The following FOXN3 variants were observed in gnomAD, a reference collection of about 807,000 sequenced individuals.
The protein encoded by FOXN3 is forkhead box N3, also known as forkhead box protein N3.
FOXN3 carries 7 observed loss-of-function variants against 38.4 expected under a neutral mutation model. That is an observed-to-expected ratio of 0.18 (90% CI 0.10 to 0.34). The LOEUF (loss-of-function observed/expected upper bound fraction) is 0.34. Among genes scored for constraint, FOXN3 ranks in the 10% least tolerant of loss-of-function variants. The probability of loss-of-function intolerance (pLI) is 1.00; values close to 1 mark genes in which losing one functional copy is unlikely to be tolerated. For missense variants in FOXN3, 456 were observed against 613.4 expected (o/e 0.74, Z 2.71); for synonymous variants, 230 against 242.2 (o/e 0.95, Z 0.47).
chr14:89,409,357 G>GC (rs1489918676), intron 2 of FOXN3: 1 of 145,550 alleles, frequency 6.9e-6, no homozygotes, highest in Admixed American at 6.7e-5. Context: ...GGGGACGGGG[G>GC]GGTCGCATGG....
chr14:89,360,712 GCACTACCTCCAC>G (rs1213444001), intron 2 of FOXN3, among the ~76,000 whole-genome samples: 12 of 120,732 alleles, frequency 9.9e-5, no homozygotes, highest in South Asian at 3.3e-4. Context: ...ACCACCTCCA[GCACTACCTCCAC>G]CACCACCACC....
At chr14:89,377,772 C>G (rs1279768040) in intron 2 of FOXN3, among the ~76,000 whole-genome samples, 1 of 152,236 alleles carries the variant, frequency 6.6e-6, no homozygotes, top group African/African-American at 2.4e-5. Context: ...AACCAATTCA[C>G]GTGTTGAAGC....
rs143321692 is a variant in FOXN3, at chr14:89,607,402, T to C, written c.-15+11626A>G. The stretch of plus-strand genomic sequence containing the variant: ...GGTGAAACCCTGTCTCTACTAAAAA[T>C]ACAAAAATGAGCCGGGCATGGTGGT... On this transcript the variant is annotated intron_variant, in intron 1 of 6. Transcript: ENST00000345097. Among the ~76,000 whole-genome samples the C allele has an allele frequency of 1.5e-3, 227 of 151,802 alleles. 1 individual carries two copies. Among genetic ancestry groups the C allele is most frequent in the African/African-American group, 4.6e-3 (190 of 41,350 alleles).
chr14:89,183,106 ATG>A (rs1887715034), intron 4 of FOXN3, among the ~76,000 whole-genome samples: 1 of 152,228 alleles, frequency 6.6e-6, no homozygotes, highest in Non-Finnish European at 1.5e-5. Flanking sequence ...GATGAAATCT[ATG>A]TGTGTTGTCT....
intron 1 of FOXN3, among the ~76,000 whole-genome samples, chr14:89,425,437 G>A (rs545704121): frequency 4.6e-5 from 7 of 151,682 alleles, no homozygotes; most frequent in East Asian, 2.0e-4. Flanking sequence ...GCTCAATCTC[G>A]GCTCACCGCG....
intron 2 of FOXN3, among the ~76,000 whole-genome samples, chr14:89,404,751 G>T (rs576032729): frequency 6.6e-6 from 1 of 152,116 alleles, no homozygotes; most frequent in East Asian, 1.9e-4. Flanking sequence ...CCGTCTTCAG[G>T]GAGAGCCATT....
At chr14:89,287,545 C>G (rs1327076063) in intron 3 of FOXN3, among the ~76,000 whole-genome samples, 1 of 152,094 alleles carries the variant, frequency 6.6e-6, no homozygotes, top group Non-Finnish European at 1.5e-5. Flanking sequence ...AGGTGGGCAC[C>G]AGCACTTCCT....
Position 89,579,268 on chromosome 14 carries a change from A to G in FOXN3, c.-15+39760T>C, listed in dbSNP as rs916679882. On this transcript the variant is annotated intron_variant, in intron 1 of 6. Coordinates refer to the FOXN3 transcript ENST00000345097. ...TGGGCTCAAGGGATCCTCCCACCTC[A>G]GCCTCCTGAGTAGCTCGGACCACAA... is the stretch of plus-strand genomic sequence containing the variant. Among the ~76,000 whole-genome samples, 59 of 151,012 alleles carry G rather than the reference A, an allele frequency of 3.9e-4. 1 individual carries two copies. Among genetic ancestry groups the G allele is most frequent in the Non-Finnish European group, 1.3e-4 (9 of 67,886 alleles).
At chr14:89,289,994 C>G (rs143261083) in intron 3 of FOXN3, among the ~76,000 whole-genome samples, 26 of 152,106 alleles carry the variant, frequency 1.7e-4, no homozygotes, top group Non-Finnish European at 3.2e-4. Context: ...CAAGTCACCA[C>G]GTGGAACTAA....
intron 1 of FOXN3, among the ~76,000 whole-genome samples, chr14:89,476,909 G>A (rs1459388751): frequency 1.3e-5 from 2 of 152,130 alleles, no homozygotes; most frequent in Non-Finnish European, 2.9e-5. Flanking sequence ...CGCCAGGAGG[G>A]AGAAATAGAG....
chr14:89,245,705 G>C (rs1681415332), intron 4 of FOXN3, among the ~76,000 whole-genome samples: 1 of 152,196 alleles, frequency 6.6e-6, no homozygotes, highest in Admixed American at 6.5e-5. Context: ...AGATATAAAA[G>C]AATGCTTCAA....
intron 1 of FOXN3, among the ~76,000 whole-genome samples, chr14:89,599,433 A>G (rs1188751063): frequency 1.3e-5 from 2 of 152,204 alleles, no homozygotes. Flanking sequence ...TACAATTTTC[A>G]GTTCTCTGGC....
chr14:89,315,182 G>A (rs1263526703), intron 3 of FOXN3, among the ~76,000 whole-genome samples: 2 of 151,946 alleles, frequency 1.3e-5, no homozygotes, highest in African/African-American at 4.8e-5. Flanking sequence ...AAAGACCATC[G>A]ATCCTTTTTA....
chr14:89,529,985 G>A (rs1483554684), intron 1 of FOXN3, among the ~76,000 whole-genome samples: 3 of 151,236 alleles, frequency 2.0e-5, no homozygotes, highest in Non-Finnish European at 4.4e-5. Context: ...CTGTTGCCCA[G>A]GCTGCAGGGC....
chr14:89,391,825 C>A (rs1890956068), intron 2 of FOXN3, among the ~76,000 whole-genome samples: 1 of 152,114 alleles, frequency 6.6e-6, no homozygotes, highest in Non-Finnish European at 1.5e-5. Flanking sequence ...GGCAACATGG[C>A]CAAACCCCAT....
At chr14:89,446,111 A>AAAAAAAAAAAAT (rs1203799928) in intron 1 of FOXN3, among the ~76,000 whole-genome samples, 5 of 142,858 alleles carry the variant, frequency 3.5e-5, no homozygotes, top group East Asian at 2.0e-4. Flanking sequence ...AAAAAAAAAA[A>AAAAAAAAAAAAT]TTTTAAGGAA....
intron 1 of FOXN3, among the ~76,000 whole-genome samples, chr14:89,501,067 G>A (rs1893788651): frequency 6.6e-6 from 1 of 152,206 alleles, no homozygotes; most frequent in Non-Finnish European, 1.5e-5. Context: ...ACGGGATCGT[G>A]TCGCCTGGAG....
rs754903884 is a variant in FOXN3 at position 89,162,713 on chromosome 14, C to T, written c.1108G>A (p.Asp370Asn). 3.0e-5 allele frequency: 48 copies of T among 1,613,920 alleles called. No homozygotes were observed. Among genetic ancestry groups the T allele is most frequent in the East Asian group, 2.0e-4 (9 of 44,880 alleles). The change falls in exon 6 of 6, where the codon GAC (aspartate) becomes AAC (asparagine). Residue 370 changes from aspartate (D) to asparagine (N), a missense_variant. Physicochemically the swap from Asp to Asn is conservative, Grantham distance 23. This residue lies in a region of FOXN3 where 386 missense variants were observed against 505.2 expected (regional missense o/e 0.76). Transcript: ENST00000557258. The surrounding 1 kb of genome is among the most constrained non-coding windows in gnomAD (Gnocchi z 7.2). ...TGCTTCCTGTCGTCCTCTTCCGTGT[C>T]GCTGGGGCTCTCGTGGCTCCGGAAG... ...GSFRSHESPSDTEEDDRKHSQ... is the reference protein window; with the variant it reads ...GSFRSHESPSNTEEDDRKHSQ...
At chr14:89,290,453 C>G (rs1886835371) in intron 3 of FOXN3, 1 of 396,330 alleles carries the variant, frequency 2.5e-6, no homozygotes, top group African/African-American at 2.1e-5. Context: ...CAATGCCCAC[C>G]AAACTGTCAA....
Sources: allele counts gnomAD v4.1 joint callset (sites outside exome capture counted in the v4.1 genomes callset), GRCh38; gene constraint gnomAD v4.1.1; regional missense constraint gnomAD v4.1.1; non-coding constraint Gnocchi (gnomAD v3.1); transcripts MANE v1.5; gene names NCBI Gene and HGNC (gene_info 2026-07-23, HGNC 2026-07-21).